The following NRXN3 variants were observed in gnomAD, a reference collection of about 807,000 sequenced individuals.
The protein encoded by NRXN3 is neurexin III.
Under a neutral mutation model 137.6 loss-of-function variants are expected in NRXN3, and 32 were observed. That is an observed-to-expected ratio of 0.23 (90% CI 0.18 to 0.31). NRXN3 has a LOEUF of 0.31. Among genes scored for constraint, NRXN3 ranks in the 10% least tolerant of loss-of-function variants. The pLI is 1.00. For synonymous variants in NRXN3, 798 were observed against 784.5 expected (o/e 1.02, Z -0.29); for missense variants, 1,574 against 2,062.5 (o/e 0.76, Z 4.59).
chr14:79,019,236 T>G (rs910534994), intron 15 of NRXN3, among the ~76,000 whole-genome samples: 19 of 152,194 alleles, frequency 1.2e-4, no homozygotes, highest in African/African-American at 4.3e-4. Context: ...GAGGGTGAGA[T>G]GAGGATATGC....
intron 15 of NRXN3, among the ~76,000 whole-genome samples, chr14:79,123,244 C>T (rs575804717): frequency 1.1e-4 from 17 of 151,824 alleles, no homozygotes; most frequent in African/African-American, 3.6e-4. Context: ...TGTGTGCGTG[C>T]GCGCACACAC....
chr14:79,153,689 A>T (rs1298045136), intron 15 of NRXN3, among the ~76,000 whole-genome samples: 1 of 151,978 alleles, frequency 6.6e-6, no homozygotes, highest in Non-Finnish European at 1.5e-5. Flanking sequence ...TTTCCTGAGT[A>T]GACCTCTTTT....
At chr14:78,387,296 G>A (rs2090114329) in intron 4 of NRXN3, among the ~76,000 whole-genome samples, 2 of 152,108 alleles carry the variant, frequency 1.3e-5, no homozygotes, top group South Asian at 2.1e-4. Context: ...TTTTGGGTTA[G>A]CATCATGATT....
At chr14:78,223,918 G>A (rs2064151702) in intron 1 of NRXN3, among the ~76,000 whole-genome samples, 1 of 152,160 alleles carries the variant, frequency 6.6e-6, no homozygotes, top group Non-Finnish European at 1.5e-5. Flanking sequence ...CACTCTGGCT[G>A]CCCAGGCGTA....
chr14:78,233,496 A>T (rs975962303), intron 1 of NRXN3, among the ~76,000 whole-genome samples: 3 of 152,162 alleles, frequency 2.0e-5, no homozygotes, highest in Non-Finnish European at 2.9e-5. Context: ...AGTACTGGAC[A>T]TAGAACCCCT....
At chr14:78,429,899 G>A (rs2093809601) in intron 4 of NRXN3, among the ~76,000 whole-genome samples, 3 of 152,174 alleles carry the variant, frequency 2.0e-5, no homozygotes, top group Admixed American at 2.0e-4. Context: ...GAAACTTCTT[G>A]ATTTCTACAA....
At chr14:78,903,169 G>A (rs1254746854) in intron 10 of NRXN3, among the ~76,000 whole-genome samples, 1 of 78,120 alleles carries the variant, frequency 1.3e-5, no homozygotes, top group African/African-American at 1.0e-4. Context: ...TTTTTTCTGA[G>A]ACAGAGTCTT....
intron 15 of NRXN3, among the ~76,000 whole-genome samples, chr14:79,278,207 C>A (rs2153436575): frequency 6.6e-6 from 1 of 152,270 alleles, no homozygotes; most frequent in East Asian, 1.9e-4. Flanking sequence ...CCTCCCCTTC[C>A]TCCCTGCAAA....
intron 19 of NRXN3, among the ~76,000 whole-genome samples, chr14:79,719,457 G>C (rs8022487): frequency 0.016 from 2,393 of 146,372 alleles, 61 homozygotes; most frequent in African/African-American, 0.058. Context: ...AAACAAAAAA[G>C]GCAATTATCT....
chr14:78,361,763 C>T (rs1250259915), intron 4 of NRXN3, among the ~76,000 whole-genome samples: 2 of 152,106 alleles, frequency 1.3e-5, no homozygotes, highest in Admixed American at 1.3e-4. Flanking sequence ...TGAAAGTATC[C>T]TTCCTGGATT....
chr14:78,999,124 G>GAACA (rs2099536360), intron 15 of NRXN3, among the ~76,000 whole-genome samples: 1 of 152,128 alleles, frequency 6.6e-6, no homozygotes, highest in Non-Finnish European at 1.5e-5. Context: ...AAGTGGAGTT[G>GAACA]TTTCTATACC....
At chr14:79,377,438 G>A (rs992057015) in intron 15 of NRXN3, among the ~76,000 whole-genome samples, 4 of 152,030 alleles carry the variant, frequency 2.6e-5, no homozygotes, top group African/African-American at 4.8e-5. Flanking sequence ...TGAGTTATCC[G>A]CTGTTTAGGA....
intron 15 of NRXN3, among the ~76,000 whole-genome samples, chr14:79,414,955 A>G (rs1275242975): frequency 3.3e-5 from 5 of 152,212 alleles, no homozygotes; most frequent in South Asian, 4.1e-4. Context: ...GAGATCATGC[A>G]GTATTTGTAT....
At chr14:78,632,030 T>C (rs138207505) in intron 4 of NRXN3, among the ~76,000 whole-genome samples, 9,216 of 149,494 alleles carry the variant, frequency 0.062, 344 homozygotes, top group Middle Eastern at 0.15. Flanking sequence ...AGGAGAATGG[T>C]GTGAACCCAG....
chr14:78,948,628 C>CTTTTTTTT (rs201010514), intron 10 of NRXN3, among the ~76,000 whole-genome samples: 23 of 108,604 alleles, frequency 2.1e-4, no homozygotes, highest in Middle Eastern at 5.5e-3. Context: ...ACACATTTAA[C>CTTTTTTTT]TTTTTTTTTT....
In NRXN3 at chr14:78,624,809, TTGTGTGTG is replaced by T. The variant is rs56948487; in HGVS notation, c.758-20295_758-20288del. Among the ~76,000 whole-genome samples, 1,144 of 149,362 alleles carry T rather than the reference TTGTGTGTG, an allele frequency of 7.7e-3. 10 individuals are homozygous for T. Among genetic ancestry groups the T allele is most frequent in the Non-Finnish European group, 0.011 (720 of 67,122 alleles). On this transcript the variant is annotated intron_variant, in intron 4 of 20. Transcript: ENST00000335750. ...ACTGACCCCTTGACTTCCTGTTCCT[TTGTGTGTG>T]TGTGTGTGTGTGTGTTTGTTTGTTT...
intron 16 of NRXN3, among the ~76,000 whole-genome samples, chr14:79,606,824 G>A (rs749286530): frequency 1.3e-5 from 2 of 152,194 alleles, no homozygotes; most frequent in Non-Finnish European, 2.9e-5. Context: ...TCTAGGCACA[G>A]CGTGGCAGAA....
In NRXN3 at chr14:79,668,713, G is replaced by A. The variant is rs1381590995; in HGVS notation, c.3616+4764G>A. Among the ~76,000 whole-genome samples, 8 of 152,144 alleles carry A rather than the reference G, an allele frequency of 5.3e-5. No individual in the cohort carries two copies. In the South Asian group the frequency reaches 6.2e-4, roughly 12 times the overall value. On this transcript the variant is annotated intron_variant, in intron 17 of 20. Coordinates refer to ENST00000335750, the MANE Select transcript of NRXN3 (RefSeq NM_001330195.2). ...GCTGTTGGTGTGTAAGGAAGGGGGC[G>A]GGGTACTGTTTTGCACATTGCAGGA...
intron 15 of NRXN3, among the ~76,000 whole-genome samples, chr14:79,284,345 T>TATAC (rs2081850924): frequency 2.3e-5 from 1 of 42,858 alleles, no homozygotes; most frequent in Non-Finnish European, 4.4e-5. Context: ...TAAAAATACA[T>TATAC]ATATATATAT....
Sources: gnomAD v4.1 joint callset for allele counts (sites outside exome capture counted in the v4.1 genomes callset) on GRCh38, gnomAD v4.1.1 for gene constraint, MANE v1.5 for transcripts, NCBI Gene and HGNC (gene_info 2026-07-23, HGNC 2026-07-21) for gene names.